SPIDR: variants seen among roughly 807,000 people sequenced by gnomAD.
The protein encoded by SPIDR is scaffold protein involved in DNA repair.
SPIDR carries 93 observed loss-of-function variants against 104.6 expected under a neutral mutation model. The observed-to-expected ratio is 0.89, with a 90% CI of 0.75 to 1.06. The LOEUF is 1.06. Ranked by LOEUF, SPIDR falls within the 50% of genes least tolerant of loss-of-function variation. The pLI is 0.00. For synonymous variants in SPIDR, 431 were observed against 416.9 expected (o/e 1.03, Z -0.41); for missense variants, 1,154 against 1,111.2 (o/e 1.04, Z -0.55).
At chr8:47,709,791 G>GT (rs2081589790) in intron 14 of SPIDR, among the ~76,000 whole-genome samples, 1 of 152,078 alleles carries the variant, frequency 6.6e-6, no homozygotes, top group African/African-American at 2.4e-5. Flanking sequence ...CAAATCCAGA[G>GT]TATTTACAAA....
chr8:47,529,809 G>A (rs1323633542), intron 8 of SPIDR, among the ~76,000 whole-genome samples: 1 of 152,138 alleles, frequency 6.6e-6, no homozygotes. Context: ...GATACAAGGA[G>A]GAATTAGAAA....
chr8:47,665,001 A>C (rs949714877), intron 10 of SPIDR, among the ~76,000 whole-genome samples: 1 of 152,196 alleles, frequency 6.6e-6, no homozygotes, highest in Non-Finnish European at 1.5e-5. Context: ...GTGCACCAAA[A>C]TATGTGTAAT....
chr8:47,712,985 C>T (rs536188048), intron 15 of SPIDR, 113 bp downstream of exon 15: 128 of 1,516,468 alleles, frequency 8.4e-5, no homozygotes, highest in Non-Finnish European at 1.0e-4. Context: ...GGCACCTTCA[C>T]GGAGCCCATC....
At chr8:47,652,894 G>C (rs950600650) in intron 10 of SPIDR, among the ~76,000 whole-genome samples, 3 of 152,114 alleles carry the variant, frequency 2.0e-5, no homozygotes, top group African/African-American at 7.2e-5. Flanking sequence ...ATTCAGAAGC[G>C]AATCACCTAA....
chr8:47,627,344 A>T (rs2066333400), intron 10 of SPIDR, among the ~76,000 whole-genome samples: 1 of 152,158 alleles, frequency 6.6e-6, no homozygotes, highest in Non-Finnish European at 1.5e-5. Flanking sequence ...CATATGTAAC[A>T]AACCTGCACG....
chr8:47,636,780 C>T, intron 10 of SPIDR, among the ~76,000 whole-genome samples: 1 of 150,192 alleles, frequency 6.7e-6, no homozygotes, highest in East Asian at 2.0e-4. Flanking sequence ...CGTACCACTG[C>T]ACTCCAGCCT....
chr8:47,331,989 CTTTTT>C (rs1289524835), intron 5 of SPIDR, among the ~76,000 whole-genome samples: 3 of 36,322 alleles, frequency 8.3e-5, no homozygotes, highest in Admixed American at 7.6e-4. Flanking sequence ...TTTTTTTTCT[CTTTTT>C]TTTTTTTTTT....
chr8:47,501,841 T>G (rs1353249154), intron 8 of SPIDR, among the ~76,000 whole-genome samples: 3 of 151,966 alleles, frequency 2.0e-5, no homozygotes, highest in Non-Finnish European at 4.4e-5. Context: ...TTATTGAGAG[T>G]TTTTAGCATG....
chr8:47,627,093 A>G (rs555154444), intron 10 of SPIDR, among the ~76,000 whole-genome samples: 26 of 152,330 alleles, frequency 1.7e-4, no homozygotes, highest in African/African-American at 6.0e-4. Context: ...TTGTAGGGAC[A>G]TGGATGAAGG....
intron 8 of SPIDR, among the ~76,000 whole-genome samples, chr8:47,458,536 G>A (rs780871502): frequency 9.2e-5 from 14 of 151,530 alleles, no homozygotes; most frequent in Non-Finnish European, 1.6e-4. Flanking sequence ...GGAGCTTTTC[G>A]GAGGAGTCTT....
chr8:47,715,208 G>A (rs2082401720), intron 16 of SPIDR, among the ~76,000 whole-genome samples: 1 of 151,700 alleles, frequency 6.6e-6, no homozygotes, highest in Admixed American at 6.6e-5. Context: ...ATGGAGTCTC[G>A]CTCTGTCACC....
chr8:47,431,095 G>A (rs527651412), intron 7 of SPIDR, among the ~76,000 whole-genome samples: 1 of 152,302 alleles, frequency 6.6e-6, no homozygotes, highest in South Asian at 2.1e-4. Flanking sequence ...GAGGCTGGTA[G>A]CCAGGGTGCA....
chr8:47,648,648 G>C (rs2071027475), intron 10 of SPIDR, among the ~76,000 whole-genome samples: 1 of 152,192 alleles, frequency 6.6e-6, no homozygotes, highest in Non-Finnish European at 1.5e-5. Context: ...CAAAGTGACT[G>C]ATTCCAAGTT....
chr8:47,576,026 C>T (rs916915891), intron 8 of SPIDR, among the ~76,000 whole-genome samples: 7 of 149,460 alleles, frequency 4.7e-5, no homozygotes, highest in East Asian at 2.0e-4. Context: ...TAATTTTAAA[C>T]GATCTGTTAT....
chr8:47,727,571 G>A (rs973936633), intron 17 of SPIDR, among the ~76,000 whole-genome samples: 1 of 152,174 alleles, frequency 6.6e-6, no homozygotes, highest in Non-Finnish European at 1.5e-5. Flanking sequence ...TAAAAAAACA[G>A]GACAAACATG....
At chr8:47,322,216 A>G (rs1264439159) in intron 5 of SPIDR, among the ~76,000 whole-genome samples, 6 of 152,244 alleles carry the variant, frequency 3.9e-5, no homozygotes, top group Admixed American at 3.3e-4. Flanking sequence ...GCTAATATCC[A>G]GAATCTACAA....
intron 11 of SPIDR, among the ~76,000 whole-genome samples, chr8:47,692,151 T>C (rs2078740778): frequency 6.6e-6 from 1 of 152,228 alleles, no homozygotes; most frequent in Non-Finnish European, 1.5e-5. Context: ...AATGACACTT[T>C]TTAAGTAATA....
At chr8:47,549,635 G>A (rs538169431) in intron 8 of SPIDR, among the ~76,000 whole-genome samples, 6 of 152,156 alleles carry the variant, frequency 3.9e-5, no homozygotes, top group Non-Finnish European at 8.8e-5. Flanking sequence ...TTGTAAATTT[G>A]TTTGAGTTCT....
chr8:47,543,402 CCTAATGCTT>C (rs1206798279), intron 8 of SPIDR, among the ~76,000 whole-genome samples: 10 of 151,910 alleles, frequency 6.6e-5, no homozygotes, highest in Non-Finnish European at 1.5e-4. Context: ...TGTGCATTTC[CCTAATGCTT>C]GTCAACTGAA....
Sources: gnomAD v4.1 joint callset for allele counts (sites outside exome capture counted in the v4.1 genomes callset) on GRCh38, gnomAD v4.1.1 for gene constraint, MANE v1.5 for transcripts, NCBI Gene and HGNC (gene_info 2026-07-23, HGNC 2026-07-21) for gene names.